The following LTBP1 variants were observed in gnomAD, a reference collection of about 807,000 sequenced individuals.
LTBP1 encodes the protein latent-transforming growth factor beta-binding protein 1.
A neutral mutation model predicts 207.6 loss-of-function variants in LTBP1; 129 were observed. The observed-to-expected ratio is 0.62, with a 90% CI of 0.54 to 0.72. LTBP1 has a LOEUF of 0.72. Among genes scored for constraint, LTBP1 ranks in the 30% least tolerant of loss-of-function variants. LTBP1 has a pLI of 0.00. For synonymous variants in LTBP1, 963 were observed against 833.7 expected, an observed-to-expected ratio of 1.16 and a Z score of -2.67; for missense variants, 2,281 against 2,217.2, an observed-to-expected ratio of 1.03 and a Z score of -0.58.
chr2:33,263,828 C>T (rs1354461260), intron 15 of LTBP1, among the ~76,000 whole-genome samples: 2 of 151,834 alleles, frequency 1.3e-5, no homozygotes, highest in African/African-American at 2.4e-5. Context: ...TGGTGCGCAC[C>T]TGTAGTCCCA....
chr2:33,167,868 G>C (rs775382509), intron 5 of LTBP1, among the ~76,000 whole-genome samples: 1 of 152,222 alleles, frequency 6.6e-6, no homozygotes, highest in East Asian at 1.9e-4. Context: ...ATTAGGTTTA[G>C]ATTTCTTCCA....
intron 7 of LTBP1, among the ~76,000 whole-genome samples, chr2:33,205,235 TCTCTCTGTTCC>T (rs2089748693): frequency 6.6e-6 from 1 of 152,244 alleles, no homozygotes; most frequent in Non-Finnish European, 1.5e-5. Context: ...AACCCACACT[TCTCTCTGTTCC>T]TTAAATCTTT....
chr2:33,154,527 C>T (rs1309043421), intron 5 of LTBP1, among the ~76,000 whole-genome samples: 1 of 152,166 alleles, frequency 6.6e-6, no homozygotes, highest in Non-Finnish European at 1.5e-5. Context: ...AATAAATCTG[C>T]CTTGTTCTTT....
intron 5 of LTBP1, among the ~76,000 whole-genome samples, chr2:33,175,018 A>G (rs1008410748): frequency 3.9e-5 from 6 of 152,216 alleles, no homozygotes; most frequent in African/African-American, 1.4e-4. Context: ...AAGATGAATT[A>G]AAGACTTAAA....
At chr2:33,015,711 G>T (rs1438414617) in intron 2 of LTBP1, among the ~76,000 whole-genome samples, 2 of 152,308 alleles carry the variant, frequency 1.3e-5, no homozygotes, top group African/African-American at 4.8e-5. Flanking sequence ...AAGAAAAGAG[G>T]TTTAACTGGC....
chr2:33,138,814 T>TA lies in LTBP1; in HGVS notation c.1201+3860dup, dbSNP rs916909854. Among the ~76,000 whole-genome samples, 6 of 147,846 alleles carry TA rather than the reference T, an allele frequency of 4.1e-5. No homozygotes were observed. In the East Asian group the frequency reaches 1.2e-3, roughly 29 times the overall value. On this transcript the variant is annotated intron_variant, in intron 5 of 33. Transcript: ENST00000404816. ...TCTATTAGCACCAATTGAATAATTA[T>TA]AAAAAACATTGGACCATTTAAAAAG...
At chr2:32,991,533 T>C (rs1190693225) in intron 2 of LTBP1, among the ~76,000 whole-genome samples, 2 of 152,258 alleles carry the variant, frequency 1.3e-5, no homozygotes, top group Middle Eastern at 3.2e-3. Context: ...GATGAACTCA[T>C]GGACTTCTTT....
At chr2:33,114,409 A>G (rs903052762) in intron 4 of LTBP1, among the ~76,000 whole-genome samples, 2 of 152,170 alleles carry the variant, frequency 1.3e-5, no homozygotes, top group African/African-American at 4.8e-5. Context: ...CTCATGGGCT[A>G]TAGTTTGCCA....
chr2:32,989,030 G>C (rs1684020148), intron 2 of LTBP1, among the ~76,000 whole-genome samples: 1 of 152,102 alleles, frequency 6.6e-6, no homozygotes, highest in South Asian at 2.1e-4. Context: ...CCAAGATTCA[G>C]ACGATAAGTT....
At chr2:32,997,069 G>C (rs1334733991) in intron 2 of LTBP1, among the ~76,000 whole-genome samples, 1 of 152,084 alleles carries the variant, frequency 6.6e-6, no homozygotes, top group Non-Finnish European at 1.5e-5. Flanking sequence ...ATTTTTAGTA[G>C]AGACAGGGTT....
intron 31 of LTBP1, among the ~76,000 whole-genome samples, chr2:33,374,388 A>G (rs920892060): frequency 2.2e-4 from 34 of 152,186 alleles, no homozygotes; most frequent in Admixed American, 2.0e-3. Context: ...ATGATAATTA[A>G]TACAATCACT....
intron 24 of LTBP1, among the ~76,000 whole-genome samples, chr2:33,324,776 A>T (rs1018315296): frequency 7.2e-6 from 1 of 139,396 alleles, no homozygotes; most frequent in African/African-American, 2.8e-5. Context: ...ATCTCGGCTC[A>T]CTGCAACCTC....
intron 2 of LTBP1, among the ~76,000 whole-genome samples, chr2:32,993,457 C>T (rs1037142312): frequency 6.6e-6 from 1 of 152,200 alleles, no homozygotes; most frequent in Non-Finnish European, 1.5e-5. Context: ...TCAATCCAAA[C>T]ACCATCTATT....
At chr2:33,258,511 C>T (rs1427985041) in intron 12 of LTBP1, among the ~76,000 whole-genome samples, 2 of 152,148 alleles carry the variant, frequency 1.3e-5, no homozygotes, top group African/African-American at 4.8e-5. Context: ...TATGCTTTCA[C>T]TCACTGCATT....
intron 5 of LTBP1, among the ~76,000 whole-genome samples, chr2:33,158,161 A>AAAAAAG (rs2084151914): frequency 7.1e-6 from 1 of 141,068 alleles, no homozygotes; most frequent in Non-Finnish European, 1.6e-5. Context: ...AAAAAAAAAA[A>AAAAAAG]AAAAGAGAGA....
intron 10 of LTBP1, among the ~76,000 whole-genome samples, chr2:33,250,743 G>T (rs932553076): frequency 3.3e-5 from 5 of 152,066 alleles, no homozygotes; most frequent in Non-Finnish European, 7.4e-5. Flanking sequence ...CACACCTTCT[G>T]AGTCTTAAGC....
intron 26 of LTBP1, among the ~76,000 whole-genome samples, chr2:33,356,533 G>T (rs534153265): frequency 6.6e-6 from 1 of 152,032 alleles, no homozygotes; most frequent in Middle Eastern, 3.2e-3. Flanking sequence ...CAAAAAATTC[G>T]CCGGGCATGG....
intron 30 of LTBP1, 151 bp from the exon 31 acceptor site, chr2:33,365,182 T>C: frequency 4.6e-6 from 3 of 649,580 alleles, no homozygotes; most frequent in Non-Finnish European, 5.3e-6. Context: ...AGAGAATTGA[T>C]CCATTGAAAG....
intron 7 of LTBP1, among the ~76,000 whole-genome samples, chr2:33,189,129 T>G (rs2087549675): frequency 6.6e-6 from 1 of 152,210 alleles, no homozygotes; most frequent in African/African-American, 2.4e-5. Context: ...ACTGTGTGTC[T>G]TTTTACAGAA....
Sources: gnomAD v4.1 joint callset for allele counts (sites outside exome capture counted in the v4.1 genomes callset) on GRCh38, gnomAD v4.1.1 for gene constraint, MANE v1.5 for transcripts, NCBI Gene and HGNC (gene_info 2026-07-23, HGNC 2026-07-21) for gene names.